Variants in NELL1 observed in about 807,000 individuals in gnomAD.
NELL1 encodes neural EGFL like 1, also known as protein kinase C-binding protein NELL1.
NELL1 carries 76 observed loss-of-function variants against 107.4 expected under a neutral mutation model. The observed-to-expected ratio is 0.71, with a 90% CI of 0.59 to 0.86. NELL1 has a LOEUF of 0.86. Ranked by LOEUF, NELL1 falls within the 40% of genes least tolerant of loss-of-function variation. The pLI is 0.00. For synonymous variants in NELL1, 353 were observed against 341.2 expected, an observed-to-expected ratio of 1.03 and a Z score of -0.38; for missense variants, 1,024 against 1,005.5, an observed-to-expected ratio of 1.02 and a Z score of -0.25.
intron 14 of NELL1, among the ~76,000 whole-genome samples, chr11:21,262,017 G>A (rs937481061): frequency 3.3e-5 from 5 of 151,712 alleles, no homozygotes; most frequent in East Asian, 3.9e-4. Flanking sequence ...ACGATTGTGC[G>A]TGTGCTATTG....
chr11:20,679,668 T>G (rs1854144067), intron 2 of NELL1, among the ~76,000 whole-genome samples: 1 of 152,140 alleles, frequency 6.6e-6, no homozygotes, highest in Admixed American at 6.5e-5. Flanking sequence ...TTTCTTGATC[T>G]GAGTCTTAAT....
At chr11:21,173,572 C>A (rs990331726) in intron 13 of NELL1, among the ~76,000 whole-genome samples, 1 of 151,748 alleles carries the variant, frequency 6.6e-6, no homozygotes, top group Non-Finnish European at 1.5e-5. Flanking sequence ...CAGTTTAGTT[C>A]AACAGTTATT....
intron 13 of NELL1, among the ~76,000 whole-genome samples, chr11:21,223,113 T>A (rs1857801355): frequency 6.6e-6 from 1 of 152,146 alleles, no homozygotes; most frequent in South Asian, 2.1e-4. Context: ...GTCTAGATGA[T>A]CTATCTAATG....
intron 2 of NELL1, among the ~76,000 whole-genome samples, chr11:20,764,730 A>G (rs1418386583): frequency 2.0e-5 from 3 of 149,332 alleles, no homozygotes; most frequent in Non-Finnish European, 4.4e-5. Flanking sequence ...GGGAGTTGGG[A>G]GGAGGAAAAG....
chr11:20,880,056 A>C (rs1849379747), intron 4 of NELL1, among the ~76,000 whole-genome samples: 1 of 152,202 alleles, frequency 6.6e-6, no homozygotes, highest in African/African-American at 2.4e-5. Flanking sequence ...TTCTAGCTTT[A>C]AAGTTTATAA....
At chr11:21,256,301 AACTTG>A (rs1443732865) in intron 14 of NELL1, among the ~76,000 whole-genome samples, 6 of 152,070 alleles carry the variant, frequency 3.9e-5, no homozygotes, top group Non-Finnish European at 4.4e-5. Context: ...AGATTGGGGC[AACTTG>A]ACTTGAGCAC....
At chr11:20,903,493 T>G (rs10766743) in intron 5 of NELL1, among the ~76,000 whole-genome samples, 86,312 of 151,870 alleles carry the variant, frequency 0.57, 29,788 homozygotes, top group Non-Finnish European at 0.77. Flanking sequence ...TTTCACAACC[T>G]TCTTATTGGT....
At chr11:21,067,850 T>G (rs937430340) in intron 12 of NELL1, among the ~76,000 whole-genome samples, 34 of 151,748 alleles carry the variant, frequency 2.2e-4, no homozygotes, top group Non-Finnish European at 1.5e-5. Context: ...CTAGCCAACA[T>G]GGTGAAACCT....
At chr11:20,784,788 C>T (rs749297974) in intron 3 of NELL1, among the ~76,000 whole-genome samples, 25 of 152,004 alleles carry the variant, frequency 1.6e-4, no homozygotes, top group African/African-American at 4.6e-4. Context: ...AGGTGCCATG[C>T]GAGGTTTTGT....
intron 12 of NELL1, among the ~76,000 whole-genome samples, chr11:21,019,774 G>T (rs940197585): frequency 6.6e-6 from 1 of 151,996 alleles, no homozygotes; most frequent in Admixed American, 6.6e-5. Context: ...GGCCAAGCAG[G>T]ATGAGCTGCA....
intron 3 of NELL1, among the ~76,000 whole-genome samples, chr11:20,829,881 CTGA>C (rs1857969625): frequency 6.6e-6 from 1 of 152,006 alleles, no homozygotes; most frequent in Non-Finnish European, 1.5e-5. Context: ...TATCTTATTA[CTGA>C]TGATATTATC....
intron 13 of NELL1, among the ~76,000 whole-genome samples, chr11:21,227,946 A>C (rs1233548967): frequency 6.6e-6 from 1 of 152,240 alleles, no homozygotes; most frequent in Non-Finnish European, 1.5e-5. Flanking sequence ...AAATAAAAAT[A>C]AATGAAGATT....
At chr11:21,360,426 C>T (rs1851049595) in intron 14 of NELL1, among the ~76,000 whole-genome samples, 1 of 151,926 alleles carries the variant, frequency 6.6e-6, no homozygotes, top group Non-Finnish European at 1.5e-5. Context: ...CTATTTTAGA[C>T]AATGTTTCAT....
chr11:21,019,806 G>A (rs980129035), intron 12 of NELL1, among the ~76,000 whole-genome samples: 36 of 152,186 alleles, frequency 2.4e-4, no homozygotes, highest in African/African-American at 8.7e-4. Context: ...AGAACTCTGA[G>A]GAGGTGATGA....
At chr11:20,886,063 A>G (rs896077143) in intron 5 of NELL1, among the ~76,000 whole-genome samples, 2 of 152,188 alleles carry the variant, frequency 1.3e-5, no homozygotes, top group Non-Finnish European at 2.9e-5. Flanking sequence ...CTGAATACAC[A>G]TGGACACAAA....
chr11:21,258,261 T>A (rs547643014), intron 14 of NELL1, among the ~76,000 whole-genome samples: 1 of 152,100 alleles, frequency 6.6e-6, no homozygotes, highest in Admixed American at 6.6e-5. Flanking sequence ...AAGCTGTTTC[T>A]TGATAACATC....
intron 3 of NELL1, among the ~76,000 whole-genome samples, chr11:20,813,153 G>T (rs957580154): frequency 6.7e-6 from 1 of 149,792 alleles, no homozygotes; most frequent in Non-Finnish European, 1.5e-5. Context: ...ATTGTTTTCT[G>T]CAGGTTACTC....
chr11:21,340,034 AC>A (rs1212932857), intron 14 of NELL1, among the ~76,000 whole-genome samples: 1 of 152,230 alleles, frequency 6.6e-6, no homozygotes, highest in African/African-American at 2.4e-5. Context: ...CAGAGGCTCT[AC>A]AGTGGCTTTC....
At chr11:21,207,219 C>G (rs996955449) in intron 13 of NELL1, among the ~76,000 whole-genome samples, 1 of 152,144 alleles carries the variant, frequency 6.6e-6, no homozygotes, top group African/African-American at 2.4e-5. Context: ...CTACTGGACA[C>G]TTTTTTGCGT....
Sources: gnomAD v4.1 joint callset for allele counts (sites outside exome capture counted in the v4.1 genomes callset) on GRCh38, gnomAD v4.1.1 for gene constraint, MANE v1.5 for transcripts, NCBI Gene and HGNC (gene_info 2026-07-23, HGNC 2026-07-21) for gene names.